The following DDX1 variants were observed in gnomAD, a reference collection of about 807,000 sequenced individuals.
The protein encoded by DDX1 is DEAD-box helicase 1.
In DDX1, 28 loss-of-function variants were observed where a neutral mutation model predicts 108.7. The ratio of observed to expected loss-of-function variants is 0.26; its 90% CI spans 0.19 to 0.35. The LOEUF (loss-of-function observed/expected upper bound fraction) is 0.35, where lower values mean the gene tolerates loss of function less well. Ranked by LOEUF, DDX1 falls within the 10% of genes least tolerant of loss-of-function variation. The probability of loss-of-function intolerance (pLI) is 1.00; values close to 1 mark genes in which losing one functional copy is unlikely to be tolerated. For missense variants in DDX1, 710 were observed against 884.5 expected, an observed-to-expected ratio of 0.80 and a Z score of 2.50; for synonymous variants, 295 against 288.9, an observed-to-expected ratio of 1.02 and a Z score of -0.21.
intron 13 of DDX1, among the ~76,000 whole-genome samples, chr2:15,612,137 GC>G (rs1308107558): frequency 6.7e-6 from 1 of 148,498 alleles, no homozygotes; most frequent in Non-Finnish European, 1.5e-5. Flanking sequence ...CGGGCGGGGG[GC>G]TGACCCCCCC....
At position 15,628,480 on chromosome 2, in the gene DDX1, A is replaced by G. The variant is rs1573052873; in HGVS notation, c.1722A>G (p.Val574=). The G allele has an allele frequency of 6.2e-7, 1 of 1,613,450 alleles. No homozygotes were observed. The highest frequency in any genetic ancestry group is 8.5e-7 in the Non-Finnish European group (1 of 1,179,496). ...GDVRFLICTD[V]AARGIDIHGV... is the part of the protein sequence containing the mutation. ...TAAGATTCTTGATTTGCACAGATGTAGCTGCTAGAGGAATTGATATCCACG... is the reference window on the plus strand; with the variant it reads ...TAAGATTCTTGATTTGCACAGATGTGGCTGCTAGAGGAATTGATATCCACG... Residue 574 remains valine (V), a synonymous_variant, in exon 21 of 26, where the codon GTA becomes GTG. Transcript: ENST00000233084.
intron 12 of DDX1, among the ~76,000 whole-genome samples, 195 bp downstream of exon 12, chr2:15,606,459 G>A (rs1392061121): frequency 6.6e-6 from 1 of 152,078 alleles, no homozygotes; most frequent in Non-Finnish European, 1.5e-5. Flanking sequence ...TTCAGTGTAG[G>A]CATTTTGGGA....
chr2:15,594,086 AAAAG>A (rs1665462614), intron 1 of DDX1, among the ~76,000 whole-genome samples: 1 of 150,750 alleles, frequency 6.6e-6, no homozygotes, highest in South Asian at 2.1e-4. Flanking sequence ...AAAAAAAAAC[AAAAG>A]AAAAGAAAAA....
At chr2:15,609,331 C>T (rs939475211) in intron 13 of DDX1, among the ~76,000 whole-genome samples, 1 of 152,134 alleles carries the variant, frequency 6.6e-6, no homozygotes, top group Non-Finnish European at 1.5e-5. Context: ...GTTTGGTATT[C>T]GGTACAAATG....
intron 16 of DDX1, 148 bp from the exon 17 acceptor site, chr2:15,620,060 A>C: frequency 1.5e-6 from 1 of 683,848 alleles, no homozygotes; most frequent in Non-Finnish European, 2.4e-6. Context: ...GCCCAAAGTC[A>C]TAACTCTAGT....
intron 6 of DDX1, among the ~76,000 whole-genome samples, chr2:15,601,195 A>G (rs1205080430): frequency 2.0e-5 from 3 of 152,194 alleles, no homozygotes; most frequent in Non-Finnish European, 2.9e-5. Flanking sequence ...AAGTCAAGCA[A>G]GCAGTCAGTT....
intron 13 of DDX1, 146 bp downstream of exon 13, chr2:15,607,459 T>G (rs1180806991): frequency 3.1e-5 from 19 of 605,294 alleles, no homozygotes; most frequent in Non-Finnish European, 5.0e-5. Flanking sequence ...TTTAATAATT[T>G]CCATATACAA....
intron 13 of DDX1, among the ~76,000 whole-genome samples, chr2:15,612,552 G>A (rs1665793148): frequency 6.8e-6 from 1 of 147,008 alleles, no homozygotes; most frequent in African/African-American, 2.5e-5. Flanking sequence ...GGCTCCTCAC[G>A]TCCCAGATGA....
intron 1 of DDX1, among the ~76,000 whole-genome samples, chr2:15,592,370 G>C (rs929148532): frequency 2.6e-5 from 4 of 152,222 alleles, no homozygotes; most frequent in Admixed American, 1.3e-4. Context: ...GCGAGACGGC[G>C]TGGGGAGGAG....
chr2:15,630,013 C>A lies in DDX1; in HGVS notation c.1995C>A (p.His665Gln). The A allele has an allele frequency of 6.2e-7, 1 of 1,612,178 alleles. No individual in the cohort carries two copies. The highest frequency in any genetic ancestry group is 8.5e-7 in the Non-Finnish European group (1 of 1,178,898). ...AGTTACTATCTGAGATAGAAGAACA[C>A]CTGAACTGTACCATTTCTCAGGTTG... is the stretch of plus-strand genomic sequence containing the variant. ...EMQLLSEIEE[H>Q]LNCTISQVEP... Residue 665 changes from histidine to glutamine, a missense_variant, in exon 25 of 26, where the codon CAC becomes CAA. Physicochemically the swap from His to Gln is conservative, Grantham distance 24. Around this residue, in one of 3 missense-constraint regions of DDX1, gnomAD observed 661 missense variants for 810.2 expected, o/e 0.82. Coordinates refer to ENST00000233084, the MANE Select transcript of DDX1 (RefSeq NM_004939.3).
chr2:15,598,731 A>G (rs537269152), intron 5 of DDX1, among the ~76,000 whole-genome samples: 28 of 152,366 alleles, frequency 1.8e-4, no homozygotes, highest in African/African-American at 6.3e-4. Context: ...GAAATAATCT[A>G]GAAAGGATTT....
At chr2:15,599,590 G>A in intron 5 of DDX1, 79 bp from the exon 6 acceptor site, 1 of 1,104,440 alleles carries the variant, frequency 9.1e-7, no homozygotes, top group South Asian at 1.4e-5. Context: ...TGAGATTACA[G>A]TCGTGAGTCA....
rs764305781 is a variant in DDX1 at position 15,623,598 on chromosome 2, T to C, written c.1594+16T>C. On this transcript the variant is annotated intron_variant, in intron 19 of 25. Coordinates refer to ENST00000233084, the MANE Select transcript of DDX1 (RefSeq NM_004939.3). ...CAAGGAGGAGGTAATTTTTTCTCAC[T>C]TGAAATAAATTGTGTTTATATCCTC... 1 of 1,603,588 alleles carries C rather than the reference T, an allele frequency of 6.2e-7. No homozygotes were observed. The highest frequency in any genetic ancestry group is 1.7e-4 in the Middle Eastern group (1 of 6,038).
chr2:15,618,344 G>T, intron 16 of DDX1, 74 bp downstream of exon 16: 3 of 797,378 alleles, frequency 3.8e-6, no homozygotes, highest in Non-Finnish European at 6.3e-6. Flanking sequence ...ATCCCAGGGG[G>T]TGTTGCTTTT....
At chr2:15,626,792 T>G (rs1482413026) in intron 19 of DDX1, among the ~76,000 whole-genome samples, 2 of 152,148 alleles carry the variant, frequency 1.3e-5, no homozygotes, top group Non-Finnish European at 2.9e-5. Flanking sequence ...GTTGGTACAC[T>G]GCTTGATCCA....
At chr2:15,607,340 C>G in intron 13 of DDX1, 27 bp downstream of exon 13, 6 of 1,605,288 alleles carry the variant, frequency 3.7e-6, no homozygotes, top group Non-Finnish European at 5.1e-6. Flanking sequence ...TGCTGAAATG[C>G]TTATTGTCTT....
chr2:15,618,799 C>T (rs374623080), intron 16 of DDX1, among the ~76,000 whole-genome samples: 42 of 152,358 alleles, frequency 2.8e-4, no homozygotes, highest in African/African-American at 9.6e-4. Flanking sequence ...CTTCCGTGTT[C>T]GCTGGCGCCC....
chr2:15,607,939 T>G (rs1401083291), intron 13 of DDX1, among the ~76,000 whole-genome samples: 1 of 152,190 alleles, frequency 6.6e-6, no homozygotes, highest in Non-Finnish European at 1.5e-5. Flanking sequence ...CCACTCTATT[T>G]CTAGCATGTT....
rs1665622141 is a variant in DDX1 at position 15,603,730 on chromosome 2, T to C, written c.476-84T>C. 7.9e-6 allele frequency: 7 copies of C among 887,368 alleles called. No homozygotes were observed. In the South Asian group the frequency reaches 1.2e-4, roughly 15 times the overall value. 55.0% of individuals were successfully genotyped at this position (887,368 alleles called of 1,614,324 possible). ...CTGTGGGTTTATGAAATGGACATAC[T>C]ATGTGAATAAAATTACTTCTTTTAG... On this transcript the variant is annotated intron_variant, in intron 8 of 25. Transcript: ENST00000233084.
Sources: allele counts gnomAD v4.1 joint callset (sites outside exome capture counted in the v4.1 genomes callset), GRCh38; gene constraint gnomAD v4.1.1; regional missense constraint gnomAD v4.1.1; transcripts MANE v1.5; gene names NCBI Gene and HGNC (gene_info 2026-07-23, HGNC 2026-07-21).